TMEM272: variants seen among roughly 807,000 people sequenced by gnomAD.
The protein encoded by TMEM272 is transmembrane protein 272.
A neutral mutation model predicts 3.7 loss-of-function variants in TMEM272; 8 were observed. The observed-to-expected ratio is 2.17, with a 90% CI of 1.27 to 3.91. The LOEUF (loss-of-function observed/expected upper bound fraction) is 3.91. Among genes scored for constraint, TMEM272 ranks in the 30% most tolerant of loss-of-function variants. The probability of loss-of-function intolerance (pLI) is 0.00; values close to 1 mark genes in which losing one functional copy is unlikely to be tolerated. For synonymous variants in TMEM272, 63 were observed against 39.8 expected, an observed-to-expected ratio of 1.58 and a Z score of -2.20; for missense variants, 166 against 91.5, an observed-to-expected ratio of 1.81 and a Z score of -3.32.
the TMEM272 span, among the ~76,000 whole-genome samples, chr13:51,871,062 G>A: frequency 4.0e-5 from 6 of 151,888 alleles, no homozygotes; most frequent in Admixed American, 6.6e-5. Flanking sequence ...CCCACCATAG[G>A]AGCCAACCTC....
the TMEM272 span, among the ~76,000 whole-genome samples, chr13:51,863,303 G>T: frequency 6.6e-6 from 1 of 152,170 alleles, no homozygotes; most frequent in East Asian, 1.9e-4. Flanking sequence ...TTGATCTTTG[G>T]GCTACAGGGT....
chr13:51,822,172 T>C, intron 3 of TMEM272, 35 bp from the exon 4 acceptor site: 1 of 664,364 alleles, frequency 1.5e-6, no homozygotes, highest in East Asian at 2.7e-5. Flanking sequence ...TTGAGAGAAA[T>C]ACATTCGAGA....
chr13:51,844,481 C>T (rs1956288640), intron 1 of TMEM272, among the ~76,000 whole-genome samples: 1 of 152,166 alleles, frequency 6.6e-6, no homozygotes, highest in Admixed American at 6.5e-5. Flanking sequence ...CTCTGTGTAA[C>T]CTGTGCTGTT....
At chr13:51,873,301 C>A in the TMEM272 span, among the ~76,000 whole-genome samples, 4 of 152,022 alleles carry the variant, frequency 2.6e-5, no homozygotes, top group African/African-American at 9.7e-5. Context: ...TACTACATAC[C>A]CAGCTGTGAA....
chr13:51,886,546 G>C, the TMEM272 span, among the ~76,000 whole-genome samples: 2 of 152,188 alleles, frequency 1.3e-5, no homozygotes, highest in African/African-American at 4.8e-5. Context: ...TCTATCTCTA[G>C]AACCAATGCT....
chr13:51,834,536 T>G (rs1448159131), intron 2 of TMEM272, among the ~76,000 whole-genome samples: 1 of 152,252 alleles, frequency 6.6e-6, no homozygotes, highest in Non-Finnish European at 1.5e-5. Flanking sequence ...ATTAATGTGC[T>G]ATTTCTCCTG....
At chr13:51,911,812 A>T in the TMEM272 span, among the ~76,000 whole-genome samples, 1 of 151,970 alleles carries the variant, frequency 6.6e-6, no homozygotes, top group Non-Finnish European at 1.5e-5. Flanking sequence ...CTTGCCCGAG[A>T]CAGAGCCTCC....
chr13:51,840,829 G>T (rs1956256580), intron 1 of TMEM272, among the ~76,000 whole-genome samples: 3 of 152,220 alleles, frequency 2.0e-5, no homozygotes, highest in Non-Finnish European at 4.4e-5. Context: ...CTTATACACA[G>T]AAAATCAGGA....
the TMEM272 span, among the ~76,000 whole-genome samples, chr13:51,880,353 T>C: frequency 6.6e-6 from 1 of 151,888 alleles, no homozygotes; most frequent in South Asian, 2.1e-4. Flanking sequence ...ATTGAAATAC[T>C]TGAAGAGAAC....
At chr13:51,872,941 C>T in the TMEM272 span, among the ~76,000 whole-genome samples, 1 of 152,168 alleles carries the variant, frequency 6.6e-6, no homozygotes, top group African/African-American at 2.4e-5. Flanking sequence ...CTGGGAAGCC[C>T]CACCAAAATG....
At chr13:51,830,612 T>C (rs1052097679) in intron 2 of TMEM272, among the ~76,000 whole-genome samples, 4 of 152,176 alleles carry the variant, frequency 2.6e-5, no homozygotes, top group African/African-American at 7.2e-5. Context: ...TGCTGGCCAT[T>C]ATCATTACTA....
At chr13:51,876,306 A>G in the TMEM272 span, among the ~76,000 whole-genome samples, 5 of 152,356 alleles carry the variant, frequency 3.3e-5, no homozygotes, top group East Asian at 9.6e-4. Context: ...ACAGACCACT[A>G]TATGGCCCCT....
chr13:51,910,247 T>C, the TMEM272 span: 26 of 1,373,972 alleles, frequency 1.9e-5, no homozygotes, highest in East Asian at 6.0e-4. Flanking sequence ...CCTCCAGACT[T>C]TGTGCTTCTG....
At chr13:51,828,337 G>A (rs979527634) in intron 2 of TMEM272, among the ~76,000 whole-genome samples, 5 of 152,192 alleles carry the variant, frequency 3.3e-5, no homozygotes, top group Non-Finnish European at 5.9e-5. Context: ...CTCTAAGGCT[G>A]CAAGTGCCTC....
At chr13:51,923,320 G>A in the TMEM272 span, among the ~76,000 whole-genome samples, 3 of 152,206 alleles carry the variant, frequency 2.0e-5, no homozygotes, top group African/African-American at 4.8e-5. Context: ...GGACCTCTCC[G>A]GAGACAGAAT....
chr13:51,933,748 C>CCA, the TMEM272 span: 33 of 152,362 alleles, frequency 2.2e-4, no homozygotes, highest in African/African-American at 7.2e-4. Context: ...CTACTGAACC[C>CCA]CACGAGGTGA....
At chr13:51,886,978 T>C in the TMEM272 span, among the ~76,000 whole-genome samples, 1 of 152,186 alleles carries the variant, frequency 6.6e-6, no homozygotes, top group Non-Finnish European at 1.5e-5. Flanking sequence ...AGTCCATAAC[T>C]GTTATATCAG....
At chr13:51,900,557 T>C in the TMEM272 span, among the ~76,000 whole-genome samples, 2 of 152,214 alleles carry the variant, frequency 1.3e-5, no homozygotes, top group African/African-American at 4.8e-5. Context: ...AGTTCTTCAA[T>C]GTTAATGTAA....
At chr13:51,870,672 A>G in the TMEM272 span, among the ~76,000 whole-genome samples, 1 of 152,282 alleles carries the variant, frequency 6.6e-6, no homozygotes, top group Non-Finnish European at 1.5e-5. Context: ...ATTAGCAAAA[A>G]TAATAAATCT....
Sources: allele counts gnomAD v4.1 joint callset (sites outside exome capture counted in the v4.1 genomes callset), GRCh38; gene constraint gnomAD v4.1.1; transcripts MANE v1.5; gene names NCBI Gene and HGNC (gene_info 2026-07-23, HGNC 2026-07-21).